Variants in IMPA2 observed in about 807,000 individuals in gnomAD.
IMPA2 encodes the protein IMP 2.
IMPA2 carries 32 observed loss-of-function variants against 35.1 expected under a neutral mutation model. The ratio of observed to expected loss-of-function variants is 0.91; its 90% CI spans 0.69 to 1.23. The LOEUF (loss-of-function observed/expected upper bound fraction) is 1.23. Ranked by LOEUF, IMPA2 falls within the 50% of genes most tolerant of loss-of-function variation. The pLI is 0.00. For missense variants in IMPA2, 334 were observed against 387.6 expected, an observed-to-expected ratio of 0.86 and a Z score of 1.16; for synonymous variants, 135 against 160.6, an observed-to-expected ratio of 0.84 and a Z score of 1.20.
intron 4 of IMPA2, among the ~76,000 whole-genome samples, chr18:12,013,281 C>T (rs1051839714): frequency 1.3e-5 from 2 of 152,178 alleles, no homozygotes; most frequent in African/African-American, 4.8e-5. Context: ...TCACAGGCCT[C>T]AGGAACCAGC....
chr18:11,993,405 T>A (rs909186478), intron 1 of IMPA2, among the ~76,000 whole-genome samples: 2 of 152,256 alleles, frequency 1.3e-5, no homozygotes, highest in Admixed American at 1.3e-4. Context: ...TCATTGTCTG[T>A]TGGTGACTGA....
rs767421989 is a variant in IMPA2 at position 12,028,045 on chromosome 18, C to G, written c.493C>G (p.Leu165Val). The G allele has an allele frequency of 3.7e-6, 6 of 1,608,392 alleles. No homozygotes were observed. The East Asian group carries it at 1.3e-4, about 36-fold the overall frequency. ...QRLRVSGETD[L>V]SKALVLTEIG... ...ACAGGAAATTCTTTTTATTGCAGAT[C>G]TCTCAAAGGCCTTGGTTCTGACAGA... The change falls in exon 6 of 8, where the codon CTC becomes GTC. Residue 165 changes from leucine to valine, a missense_variant and splice_region_variant. Physicochemically the swap from Leu to Val is conservative, Grantham distance 32. Transcript: ENST00000269159.
intron 2 of IMPA2, among the ~76,000 whole-genome samples, chr18:12,003,515 G>A (rs1215892097): frequency 4.6e-5 from 7 of 152,068 alleles, no homozygotes. Context: ...CTGGGCCATG[G>A]TGGCGCATGC....
rs141107133 is a variant in IMPA2 at position 12,017,533 on chromosome 18, G to C, written c.490+3160G>C. The C allele has an allele frequency of 4.8e-5, 16 of 334,270 alleles. No homozygotes were observed. The East Asian group carries it at 1.8e-3, about 38-fold the overall frequency. 20.7% of individuals were successfully genotyped at this position (334,270 alleles called of 1,614,324 possible). On this transcript the variant is annotated intron_variant, in intron 5 of 7. Transcript: ENST00000269159. ...GTTCTGGGGGGACTTCCTGTTCCTG[G>C]GTCAGTCTTTGTTGCCTTTTCACTG...
At position 12,000,233 on chromosome 18, in the gene IMPA2, C is replaced by T. The variant is rs546942341; in HGVS notation, c.230+1046C>T. Among the ~76,000 whole-genome samples the T allele has an allele frequency of 2.6e-5, 4 of 151,922 alleles. No homozygotes were observed. In the South Asian group the frequency reaches 6.2e-4, roughly 24 times the overall value. ...AGTTGCCCAGGTTGGAGTGCAGTGG[C>T]ATGATCATAGCTCACTGCAGCCTTG... On this transcript the variant is annotated intron_variant, in intron 2 of 7. Transcript: ENST00000269159.
chr18:11,993,480 C>G (rs1052799080), intron 1 of IMPA2, among the ~76,000 whole-genome samples: 6 of 152,194 alleles, frequency 3.9e-5, no homozygotes, highest in African/African-American at 1.4e-4. Flanking sequence ...AGAGCCCTAT[C>G]TGGTGTATAT....
intron 1 of IMPA2, among the ~76,000 whole-genome samples, chr18:11,995,615 C>T (rs181874210): frequency 4.3e-4 from 65 of 152,240 alleles, no homozygotes; most frequent in Admixed American, 2.7e-3. Context: ...GCTGGGGAGA[C>T]GCATGGTCAC....
At chr18:12,026,984 G>A (rs1488381027) in intron 5 of IMPA2, among the ~76,000 whole-genome samples, 2 of 152,244 alleles carry the variant, frequency 1.3e-5, no homozygotes, top group African/African-American at 4.8e-5. Context: ...TGGAAGAAAA[G>A]GGACACTTGG....
Position 11,981,760 on chromosome 18 carries a change from G to C in IMPA2, c.91G>C (p.Gly31Arg). 1 of 1,227,660 alleles carries C rather than the reference G, an allele frequency of 8.1e-7. No individual in the cohort carries two copies. The highest frequency in any genetic ancestry group is 4.1e-5 in the South Asian group (1 of 24,440). The allele number at this position is 1,227,660 out of a possible 1,614,324, so 76.0% of individuals were successfully genotyped here. Residue 31 changes from glycine to arginine, a missense_variant, in exon 1 of 8, where the codon GGA becomes CGA. By Grantham distance (125) the Gly-to-Arg change is moderately radical. Transcript: ENST00000269159. ...QAAVQLALRA[G>R]QIIRKALTEE... is the part of the protein sequence containing the mutation. Reference sequence around the variant, plus strand: ...GGCCGTGCAGCTGGCGCTGCGGGCAGGACAGGTGAGCGCCACGGCTGGGCT... The same window carrying C: ...GGCCGTGCAGCTGGCGCTGCGGGCACGACAGGTGAGCGCCACGGCTGGGCT...
intron 1 of IMPA2, among the ~76,000 whole-genome samples, chr18:11,988,239 C>T (rs1031865734): frequency 6.6e-6 from 1 of 152,148 alleles, no homozygotes; most frequent in African/African-American, 2.4e-5. Flanking sequence ...CTCCTGACCT[C>T]ATGTGATCCA....
intron 1 of IMPA2, among the ~76,000 whole-genome samples, chr18:11,996,429 G>T (rs1016664508): frequency 2.0e-5 from 3 of 152,166 alleles, no homozygotes; most frequent in African/African-American, 7.2e-5. Flanking sequence ...AAGTGTGGAC[G>T]AGTGGAATAC....
intron 1 of IMPA2, among the ~76,000 whole-genome samples, chr18:11,984,015 C>T (rs925042632): frequency 2.0e-5 from 3 of 152,112 alleles, no homozygotes; most frequent in Non-Finnish European, 4.4e-5. Flanking sequence ...AGCATTCTAC[C>T]ACTCTGTTGT....
chr18:12,005,615 T>C (rs1048328701), intron 2 of IMPA2, among the ~76,000 whole-genome samples: 17 of 152,368 alleles, frequency 1.1e-4, no homozygotes, highest in African/African-American at 4.1e-4. Flanking sequence ...ATATTAATAG[T>C]TGCTGCTGGG....
intron 1 of IMPA2, 134 bp from the exon 2 acceptor site, chr18:11,998,920 C>CA: frequency 2.9e-4 from 3 of 10,388 alleles, no homozygotes; most frequent in Non-Finnish European, 1.0e-3. Flanking sequence ...ACACCTGCTG[C>CA]CCCCGCCGCC....
intron 2 of IMPA2, among the ~76,000 whole-genome samples, chr18:12,005,456 G>A (rs1161627409): frequency 2.0e-5 from 3 of 150,938 alleles, no homozygotes; most frequent in African/African-American, 7.3e-5. Flanking sequence ...CTGCACTCCA[G>A]CCTGGCTGAC....
At chr18:12,017,704 T>C in intron 5 of IMPA2, 2 of 367,208 alleles carry the variant, frequency 5.4e-6, no homozygotes, top group East Asian at 1.0e-4. Context: ...TTCTCCTGCC[T>C]CATCCTCCTG....
Position 11,981,652 on chromosome 18 carries a change from G to A in IMPA2, c.-18G>A. On this transcript the variant is annotated 5_prime_UTR_variant, in exon 1 of 8. Coordinates refer to ENST00000269159, the MANE Select transcript of IMPA2 (RefSeq NM_014214.3). ...CCGCCGAGGGGGGCTGGAGGTGGAGGGGCCCGGCGAGGCCGCGATGAAGCC... is the reference window on the plus strand; with the variant it reads ...CCGCCGAGGGGGGCTGGAGGTGGAGAGGCCCGGCGAGGCCGCGATGAAGCC... The A allele has an allele frequency of 8.1e-7, 1 of 1,227,812 alleles. No individual in the cohort carries two copies. Among genetic ancestry groups the A allele is most frequent in the East Asian group, 3.2e-5 (1 of 31,380 alleles). The allele number at this position is 1,227,812 out of a possible 1,614,324, so 76.1% of individuals were successfully genotyped here. A position where few individuals can be genotyped will look rare whatever the true frequency, so the allele number is the denominator to read the frequency against.
intron 7 of IMPA2, 42 bp downstream of exon 7, chr18:12,029,035 C>T: frequency 1.3e-6 from 2 of 1,585,166 alleles, no homozygotes; most frequent in Admixed American, 1.7e-5. Flanking sequence ...AGAAACTAGA[C>T]TGAGAGACAC....
At position 12,029,108 on chromosome 18, in the gene IMPA2, G is replaced by GTTTTTTTT. The variant is rs1158665365; in HGVS notation, c.751+133_751+140dup. ...ATTTCCCACCTTCCCCAGAGTTTCT[G>GTTTTTTTT]TTTTTTTTTTTTTTTTTTTTTTTTT... On this transcript the variant is annotated intron_variant, in intron 7 of 7. Transcript: ENST00000269159. The GTTTTTTTT allele has an allele frequency of 2.6e-4, 70 of 267,248 alleles. 1 individual carries two copies. The highest frequency in any genetic ancestry group is 3.9e-4 in the African/African-American group (8 of 20,712). The allele number at this position is 267,248 out of a possible 1,614,324, so 16.6% of individuals were successfully genotyped here.
Sources: gnomAD v4.1 joint callset for allele counts (sites outside exome capture counted in the v4.1 genomes callset) on GRCh38, gnomAD v4.1.1 for gene constraint, MANE v1.5 for transcripts, NCBI Gene and HGNC (gene_info 2026-07-23, HGNC 2026-07-21) for gene names.